ARSG: variants seen among roughly 807,000 people sequenced by gnomAD.
The protein encoded by ARSG is ASG.
ARSG carries 37 observed loss-of-function variants against 50.5 expected under a neutral mutation model. The observed-to-expected ratio is 0.73, with a 90% CI of 0.56 to 0.96. The LOEUF is 0.96. Among genes scored for constraint, ARSG ranks in the 50% least tolerant of loss-of-function variants. ARSG has a pLI of 0.00. For synonymous variants in ARSG, 225 were observed against 254.6 expected (o/e 0.88, Z 1.11); for missense variants, 629 against 675.3 (o/e 0.93, Z 0.76).
At chr17:68,365,040 T>A (rs544795419) in intron 6 of ARSG, among the ~76,000 whole-genome samples, 1 of 152,352 alleles carries the variant, frequency 6.6e-6, no homozygotes, top group South Asian at 2.1e-4. Flanking sequence ...TCGGGCGCAG[T>A]GGCTCATGCC....
chr17:68,449,350 C>T, the ARSG span, among the ~76,000 whole-genome samples: 1 of 152,202 alleles, frequency 6.6e-6, no homozygotes, highest in Non-Finnish European at 1.5e-5. Context: ...AGTAATTTGG[C>T]CAAGCGTGGT....
chr17:68,450,795 T>C, the ARSG span: 438 of 1,614,050 alleles, frequency 2.7e-4, no homozygotes, highest in Non-Finnish European at 3.6e-4. Flanking sequence ...TGTGCCTTTC[T>C]TGAAGTGATA....
intron 1 of ARSG, chr17:68,278,337 A>G: frequency 6.3e-7 from 1 of 1,583,772 alleles, no homozygotes; most frequent in Non-Finnish European, 8.7e-7. Context: ...TCTGAAAGAA[A>G]AAGTTAAAAG....
chr17:68,300,046 C>T (rs937199558), intron 1 of ARSG, among the ~76,000 whole-genome samples: 2 of 151,216 alleles, frequency 1.3e-5, no homozygotes, highest in Admixed American at 1.3e-4. Context: ...CTCCAGCCAT[C>T]TTCCCACTTC....
At chr17:68,437,973 A>AAAAAAAAAT in the ARSG span, among the ~76,000 whole-genome samples, 1 of 139,850 alleles carries the variant, frequency 7.2e-6, no homozygotes, top group African/African-American at 2.6e-5. Flanking sequence ...AAAAAAAAAA[A>AAAAAAAAAT]GTGACTGGCG....
At chr17:68,311,661 T>C (rs1555766767) in intron 2 of ARSG, among the ~76,000 whole-genome samples, 1 of 151,866 alleles carries the variant, frequency 6.6e-6, no homozygotes, top group Non-Finnish European at 1.5e-5. Flanking sequence ...GCCATGCCTC[T>C]ACAAGCCAGG....
At chr17:68,320,099 C>T (rs1201821791) in intron 2 of ARSG, among the ~76,000 whole-genome samples, 1 of 152,072 alleles carries the variant, frequency 6.6e-6, no homozygotes, top group Non-Finnish European at 1.5e-5. Context: ...CCAGCCTGGG[C>T]AACACGGTGA....
chr17:68,318,454 G>A (rs1243714837), intron 2 of ARSG, among the ~76,000 whole-genome samples: 2 of 152,198 alleles, frequency 1.3e-5, no homozygotes, highest in African/African-American at 4.8e-5. Flanking sequence ...TCAGGCAATG[G>A]CCTAGGATTT....
intron 1 of ARSG, among the ~76,000 whole-genome samples, chr17:68,299,001 A>T (rs1568434181): frequency 6.6e-6 from 1 of 152,164 alleles, no homozygotes; most frequent in African/African-American, 2.4e-5. Context: ...CAGGGCAAGG[A>T]TAAATCTACA....
At chr17:68,313,658 C>G (rs940112710) in intron 2 of ARSG, among the ~76,000 whole-genome samples, 4 of 148,004 alleles carry the variant, frequency 2.7e-5, no homozygotes, top group African/African-American at 9.9e-5. Flanking sequence ...GTGCAATTAG[C>G]TGTATTACGT....
intron 8 of ARSG, among the ~76,000 whole-genome samples, chr17:68,383,496 T>C (rs1425881950): frequency 6.6e-6 from 1 of 152,192 alleles, no homozygotes; most frequent in Non-Finnish European, 1.5e-5. Flanking sequence ...GTGTACACCA[T>C]GGACATGCAG....
chr17:68,338,982 T>C (rs2078148347), intron 2 of ARSG, among the ~76,000 whole-genome samples: 1 of 152,224 alleles, frequency 6.6e-6, no homozygotes, highest in South Asian at 2.1e-4. Context: ...CCCTTTGTTA[T>C]AAATCAGTAG....
chr17:68,387,664 T>G (rs1403049053), intron 9 of ARSG, among the ~76,000 whole-genome samples: 1 of 152,206 alleles, frequency 6.6e-6, no homozygotes, highest in Non-Finnish European at 1.5e-5. Context: ...ATGCTTCATG[T>G]TGTTGGGAGC....
intron 1 of ARSG, among the ~76,000 whole-genome samples, chr17:68,300,478 G>C (rs1555761353): frequency 1.3e-5 from 2 of 152,212 alleles, no homozygotes; most frequent in Admixed American, 1.3e-4. Flanking sequence ...CAGGCTTCCA[G>C]TGAGCGAATT....
chr17:68,331,279 C>G (rs1228451430), intron 2 of ARSG, among the ~76,000 whole-genome samples: 2 of 136,240 alleles, frequency 1.5e-5, no homozygotes, highest in Non-Finnish European at 3.2e-5. Flanking sequence ...GAGACAGAGT[C>G]TTGCTCTGTC....
intron 10 of ARSG, 59 bp downstream of exon 10, chr17:68,395,252 C>T: frequency 2.5e-6 from 4 of 1,601,322 alleles, no homozygotes; most frequent in Non-Finnish European, 3.4e-6. Flanking sequence ...TCTGCTGCCT[C>T]TCACCTCTGT....
intron 2 of ARSG, among the ~76,000 whole-genome samples, chr17:68,329,001 A>G (rs1306805958): frequency 2.0e-5 from 3 of 152,236 alleles, no homozygotes; most frequent in African/African-American, 7.2e-5. Context: ...TAAGGGAGCC[A>G]GCAGCAGCAA....
intron 7 of ARSG, 39 bp from the exon 8 acceptor site, chr17:68,370,405 A>G (rs116845216): frequency 0.011 from 18,153 of 1,604,956 alleles, 174 homozygotes; most frequent in East Asian, 0.05. Flanking sequence ...AAAGTGTCCA[A>G]CCAGCCTGGT....
chr17:68,448,030 A>G, the ARSG span, among the ~76,000 whole-genome samples: 1 of 151,006 alleles, frequency 6.6e-6, no homozygotes, highest in Admixed American at 6.6e-5. Flanking sequence ...TTGGATCCTT[A>G]TAACACCTTA....
Sources: allele counts gnomAD v4.1 joint callset (sites outside exome capture counted in the v4.1 genomes callset), GRCh38; gene constraint gnomAD v4.1.1; transcripts MANE v1.5; gene names NCBI Gene and HGNC (gene_info 2026-07-23, HGNC 2026-07-21).